Variants in SLC24A2 observed in about 807,000 individuals in gnomAD.
SLC24A2 encodes the protein sodium/potassium/calcium exchanger 2.
In SLC24A2, 36 loss-of-function variants were observed where a neutral mutation model predicts 62.0. The ratio of observed to expected loss-of-function variants is 0.58; its 90% CI spans 0.44 to 0.77. The LOEUF is 0.77. SLC24A2 is among the 30% of genes least tolerant of loss of function. The probability of loss-of-function intolerance (pLI) is 0.00; values close to 1 mark genes in which losing one functional copy is unlikely to be tolerated. For missense variants in SLC24A2, 846 were observed against 817.9 expected (o/e 1.03, Z -0.42); for synonymous variants, 358 against 294.0 (o/e 1.22, Z -2.23).
chr9:19,757,709 A>G (rs1822187864), intron 2 of SLC24A2, among the ~76,000 whole-genome samples: 1 of 152,206 alleles, frequency 6.6e-6, no homozygotes, highest in African/African-American at 2.4e-5. Flanking sequence ...TGTCTTCACC[A>G]AAATTCACGT....
chr9:20,220,558 T>C, the SLC24A2 span, among the ~76,000 whole-genome samples: 1 of 152,244 alleles, frequency 6.6e-6, no homozygotes, highest in South Asian at 2.1e-4. Context: ...ACAACACATG[T>C]CCCAGGGAAG....
the SLC24A2 span, among the ~76,000 whole-genome samples, chr9:20,115,308 C>T: frequency 6.6e-6 from 1 of 152,008 alleles, no homozygotes; most frequent in African/African-American, 2.4e-5. Context: ...ATGAATCTTC[C>T]CTGGTTAATG....
Position 19,508,842 on chromosome 9 carries a change from G to GTT in SLC24A2, c.*7309_*7310dup, listed in dbSNP as rs1237385820. ...TTTGTGATGAAGTTGAAACATTAAA[G>GTT]TTTTTAGTTGTGGGGACATCTTTAT... On this transcript the variant is annotated 3_prime_UTR_variant, in exon 11 of 11. Coordinates refer to ENST00000341998, the MANE Select transcript of SLC24A2 (RefSeq NM_020344.4). 4.6e-5 allele frequency: 7 copies of GTT among 152,032 alleles called. No individual in the cohort carries two copies. Among genetic ancestry groups the GTT allele is most frequent in the Non-Finnish European group, 7.4e-5 (5 of 68,016 alleles). 9.4% of individuals were successfully genotyped at this position (152,032 alleles called of 1,614,324 possible).
At chr9:20,014,213 G>A in the SLC24A2 span, among the ~76,000 whole-genome samples, 1 of 151,686 alleles carries the variant, frequency 6.6e-6, no homozygotes, top group Non-Finnish European at 1.5e-5. Context: ...GTCTCAGCGG[G>A]GGAAAAAAAG....
chr9:19,755,930 A>G (rs556004786), intron 2 of SLC24A2, among the ~76,000 whole-genome samples: 83 of 151,972 alleles, frequency 5.5e-4, no homozygotes, highest in African/African-American at 1.9e-3. Flanking sequence ...CTGTAATTGG[A>G]TTTGTATTAA....
the SLC24A2 span, among the ~76,000 whole-genome samples, chr9:20,029,879 T>C: frequency 2.6e-5 from 4 of 151,974 alleles, no homozygotes; most frequent in Admixed American, 1.3e-4. Flanking sequence ...AGGAACCAGG[T>C]GAAACAAGCA....
intron 2 of SLC24A2, among the ~76,000 whole-genome samples, chr9:19,658,381 C>T (rs10964243): frequency 0.48 from 73,173 of 151,414 alleles, 18,255 homozygotes; most frequent in East Asian, 0.82. Flanking sequence ...AAAAATGATA[C>T]CTGTACCCCT....
chr9:19,896,712 AT>A, the SLC24A2 span, among the ~76,000 whole-genome samples: 1 of 152,186 alleles, frequency 6.6e-6, no homozygotes, highest in Non-Finnish European at 1.5e-5. Context: ...CCTTCACAGC[AT>A]TATGGTGAAG....
At chr9:19,914,370 C>CG in the SLC24A2 span, among the ~76,000 whole-genome samples, 64,391 of 151,838 alleles carry the variant, frequency 0.42, 14,669 homozygotes, top group Non-Finnish European at 0.52. Flanking sequence ...AAATAAAACC[C>CG]ATACACCTTA....
chr9:20,089,648 C>A, the SLC24A2 span, among the ~76,000 whole-genome samples: 2 of 152,002 alleles, frequency 1.3e-5, no homozygotes, highest in Non-Finnish European at 2.9e-5. Context: ...CCCAGAGTTT[C>A]CCTGGGGAGA....
chr9:20,184,089 A>C, the SLC24A2 span, among the ~76,000 whole-genome samples: 17 of 152,330 alleles, frequency 1.1e-4, no homozygotes, highest in Admixed American at 8.5e-4. Flanking sequence ...AAATAACCCA[A>C]TTTAAAAATG....
rs1320593365 is a variant in SLC24A2 at position 19,632,326 on chromosome 9, C to T, written c.931-10027G>A. On this transcript the variant is annotated intron_variant, in intron 2 of 10. Coordinates refer to ENST00000341998, the MANE Select transcript of SLC24A2 (RefSeq NM_020344.4). The surrounding 1 kb of genome is among the most constrained non-coding windows in gnomAD (Gnocchi z 4.5). The stretch of plus-strand genomic sequence containing the variant: ...GCTCCATTTGCCAAATATCCTCCTT[C>T]ACGGCATTTAAAAAATCACCCATTC... Among the ~76,000 whole-genome samples the T allele has an allele frequency of 2.0e-5, 3 of 152,326 alleles. No individual in the cohort carries two copies. In the South Asian group the frequency reaches 6.2e-4, roughly 32 times the overall value.
the SLC24A2 span, among the ~76,000 whole-genome samples, chr9:20,042,330 C>T: frequency 6.6e-6 from 1 of 152,334 alleles, no homozygotes; most frequent in East Asian, 1.9e-4. Flanking sequence ...GTGTACACCC[C>T]TGAGGAACTC....
the SLC24A2 span, among the ~76,000 whole-genome samples, chr9:19,882,712 A>C: frequency 6.6e-6 from 1 of 151,896 alleles, no homozygotes; most frequent in Non-Finnish European, 1.5e-5. Flanking sequence ...CCAGTCATTT[A>C]CTGGGCAAAC....
chr9:19,979,055 G>A, the SLC24A2 span, among the ~76,000 whole-genome samples: 4 of 152,158 alleles, frequency 2.6e-5, no homozygotes, highest in African/African-American at 9.6e-5. Context: ...TCTACAGGTA[G>A]GTGTGTGAAG....
At chr9:20,256,697 T>C in the SLC24A2 span, among the ~76,000 whole-genome samples, 1 of 152,150 alleles carries the variant, frequency 6.6e-6, no homozygotes, top group Non-Finnish European at 1.5e-5. Context: ...TCAGATTTTC[T>C]AGAGCCGTGC....
chr9:19,630,624 GT>G (rs1818154573), intron 2 of SLC24A2, among the ~76,000 whole-genome samples: 5 of 151,952 alleles, frequency 3.3e-5, no homozygotes, highest in African/African-American at 1.2e-4. Context: ...AATATCAACG[GT>G]ACCATATCAG....
intron 4 of SLC24A2, among the ~76,000 whole-genome samples, chr9:19,607,488 G>A (rs1837019461): frequency 6.6e-6 from 1 of 152,124 alleles, no homozygotes; most frequent in Admixed American, 6.5e-5. Flanking sequence ...AGGAGGCCAA[G>A]GCAGGTGGAT....
chr9:19,789,522 G>A (rs540495579), upstream of SLC24A2, among the ~76,000 whole-genome samples: 1 of 152,326 alleles, frequency 6.6e-6, no homozygotes, highest in South Asian at 2.1e-4. Flanking sequence ...CACTGCAGGG[G>A]CTTCAGTCTT....
Sources: gnomAD v4.1 joint callset for allele counts (sites outside exome capture counted in the v4.1 genomes callset) on GRCh38, gnomAD v4.1.1 for gene constraint, Gnocchi (gnomAD v3.1) non-coding constraint, MANE v1.5 for transcripts, NCBI Gene and HGNC (gene_info 2026-07-23, HGNC 2026-07-21) for gene names.